DPP6: variants seen among roughly 807,000 people sequenced by gnomAD.
DPP6 encodes the protein A-type potassium channel modulatory protein DPP6.
A neutral mutation model predicts 122.6 loss-of-function variants in DPP6; 69 were observed. The ratio of observed to expected loss-of-function variants is 0.56; its 90% CI spans 0.46 to 0.69. DPP6 has a LOEUF of 0.69. Ranked by LOEUF, DPP6 falls within the 30% of genes least tolerant of loss-of-function variation. The pLI is 0.00. For missense variants in DPP6, 928 were observed against 1,116.9 expected (o/e 0.83, Z 2.41); for synonymous variants, 418 against 433.1 (o/e 0.97, Z 0.43).
intron 1 of DPP6, among the ~76,000 whole-genome samples, chr7:154,024,405 T>A (rs1585193193): frequency 6.6e-6 from 1 of 152,220 alleles, no homozygotes; most frequent in Non-Finnish European, 1.5e-5. Flanking sequence ...ACTGGGCTTG[T>A]TGGAGACACA....
At chr7:154,599,195 C>G (rs953675346) in intron 5 of DPP6, among the ~76,000 whole-genome samples, 3 of 152,174 alleles carry the variant, frequency 2.0e-5, no homozygotes, top group African/African-American at 7.2e-5. Flanking sequence ...TGGTAGAGAA[C>G]TCAGCAGTCT....
rs1436487647 is a variant in DPP6 at position 154,727,907 on chromosome 7, A to G, written c.883+20A>G. ...ATGAAGGTAAGATGTGCACAGAGAG[A>G]AAAAAGGAAGATTTGTGGTTGCTGC... On this transcript the variant is annotated intron_variant, in intron 8 of 25. Transcript: ENST00000377770. The G allele has an allele frequency of 6.4e-7, 1 of 1,563,176 alleles. No individual in the cohort carries two copies. Among genetic ancestry groups the G allele is most frequent in the Non-Finnish European group, 8.7e-7 (1 of 1,151,066 alleles).
intron 1 of DPP6, among the ~76,000 whole-genome samples, chr7:154,222,421 C>A (rs144310235): frequency 0.043 from 6,286 of 144,886 alleles, 396 homozygotes; most frequent in African/African-American, 0.12. Context: ...TTTGGGAGGC[C>A]GAGGTGGGCG....
intron 1 of DPP6, among the ~76,000 whole-genome samples, chr7:153,996,575 T>A (rs1486524469): frequency 3.3e-5 from 5 of 151,804 alleles, no homozygotes; most frequent in Admixed American, 6.6e-5. Flanking sequence ...TAGCCTATTA[T>A]AAACTATTTG....
intron 1 of DPP6, among the ~76,000 whole-genome samples, chr7:154,227,255 A>T (rs1800665339): frequency 6.4e-5 from 1 of 15,662 alleles, no homozygotes; most frequent in Non-Finnish European, 1.5e-4. Flanking sequence ...AATGGGTGTT[A>T]AAAAAAGAAG....
intron 1 of DPP6, among the ~76,000 whole-genome samples, chr7:154,173,938 C>T (rs1797665902): frequency 6.6e-6 from 1 of 152,208 alleles, no homozygotes; most frequent in Non-Finnish European, 1.5e-5. Context: ...AGTTCCTGGG[C>T]ACCTGTGCAG....
At chr7:153,754,356 C>T in the DPP6 span, among the ~76,000 whole-genome samples, 1 of 152,052 alleles carries the variant, frequency 6.6e-6, no homozygotes. Context: ...ACTTCTTTTT[C>T]AGCACTTTAA....
chr7:154,113,786 G>T (rs1261295053), intron 1 of DPP6, among the ~76,000 whole-genome samples: 5 of 152,146 alleles, frequency 3.3e-5, no homozygotes, highest in African/African-American at 1.2e-4. Context: ...TAAGAGTTCA[G>T]TTCTCTTGTA....
At chr7:154,374,561 A>G (rs1004327549) in intron 1 of DPP6, among the ~76,000 whole-genome samples, 1 of 150,770 alleles carries the variant, frequency 6.6e-6, no homozygotes, top group Non-Finnish European at 1.5e-5. Flanking sequence ...GGCTGACATT[A>G]TAGGTTTTTT....
chr7:154,364,292 A>G (rs1353893845), intron 1 of DPP6, among the ~76,000 whole-genome samples: 1 of 152,030 alleles, frequency 6.6e-6, no homozygotes. Context: ...CCGCCCTCAG[A>G]CTCATTGTCC....
intron 1 of DPP6, among the ~76,000 whole-genome samples, chr7:154,113,084 T>A (rs928043770): frequency 6.6e-6 from 1 of 152,232 alleles, no homozygotes; most frequent in Non-Finnish European, 1.5e-5. Flanking sequence ...TAATACTTGA[T>A]GGTATATATG....
intron 8 of DPP6, among the ~76,000 whole-genome samples, chr7:154,754,314 T>G (rs953204643): frequency 2.0e-4 from 30 of 152,232 alleles, no homozygotes; most frequent in Middle Eastern, 3.2e-3. Flanking sequence ...AACTTTGTTT[T>G]GTGGCGAAAA....
intron 12 of DPP6, among the ~76,000 whole-genome samples, chr7:154,801,060 T>G: frequency 6.6e-6 from 1 of 152,098 alleles, no homozygotes; most frequent in East Asian, 1.9e-4. Flanking sequence ...GAGCTTGGCG[T>G]GCACATGGGG....
intron 1 of DPP6, among the ~76,000 whole-genome samples, chr7:154,054,375 A>C (rs1191146899): frequency 6.6e-6 from 1 of 152,014 alleles, no homozygotes; most frequent in African/African-American, 2.4e-5. Context: ...AGATACTATG[A>C]AATCAGTGAG....
the DPP6 span, among the ~76,000 whole-genome samples, chr7:153,775,487 T>A: frequency 6.6e-6 from 1 of 151,818 alleles, no homozygotes. Flanking sequence ...GATCCACTCC[T>A]GTTTAGCATC....
intron 7 of DPP6, among the ~76,000 whole-genome samples, chr7:154,673,751 A>G (rs1838713554): frequency 6.6e-6 from 1 of 152,218 alleles, no homozygotes; most frequent in South Asian, 2.1e-4. Context: ...TCCAAACTGG[A>G]GTGGTCAGTC....
chr7:154,805,068 A>C (rs1345310844), intron 15 of DPP6, 104 bp downstream of exon 15: 1 of 1,444,964 alleles, frequency 6.9e-7, no homozygotes, highest in Non-Finnish European at 9.4e-7. Context: ...GGCAGCAAAG[A>C]CAGACCCCAC....
intron 3 of DPP6, among the ~76,000 whole-genome samples, chr7:154,526,204 C>T (rs895152879): frequency 1.3e-5 from 2 of 152,028 alleles, no homozygotes; most frequent in African/African-American, 2.4e-5. Flanking sequence ...CTATTTTGTC[C>T]CACAGTGGTT....
intron 1 of DPP6, among the ~76,000 whole-genome samples, chr7:154,330,726 G>A (rs1426924584): frequency 6.6e-6 from 1 of 152,202 alleles, no homozygotes; most frequent in Non-Finnish European, 1.5e-5. Flanking sequence ...CACCCTCTGG[G>A]GAGGTGAACT....
Sources: allele counts gnomAD v4.1 joint callset (sites outside exome capture counted in the v4.1 genomes callset), GRCh38; gene constraint gnomAD v4.1.1; transcripts MANE v1.5; gene names NCBI Gene and HGNC (gene_info 2026-07-23, HGNC 2026-07-21).